Variants in USP15 observed in about 807,000 individuals in gnomAD.
USP15 encodes the protein ubiquitin specific peptidase 15, also known as ubiquitin carboxyl-terminal hydrolase 15.
USP15 carries 18 observed loss-of-function variants against 127.1 expected under a neutral mutation model. That is an observed-to-expected ratio of 0.14 (90% confidence interval 0.10 to 0.21). USP15 has a LOEUF of 0.21. Among genes scored for constraint, USP15 ranks in the 10% least tolerant of loss-of-function variants. The probability of loss-of-function intolerance (pLI) is 1.00; values close to 1 mark genes in which losing one functional copy is unlikely to be tolerated. For synonymous variants in USP15, 364 were observed against 393.7 expected (o/e 0.92, Z 0.89); for missense variants, 805 against 1,159.9 (o/e 0.69, Z 4.44).
intron 8 of USP15, among the ~76,000 whole-genome samples, chr12:62,366,956 A>G (rs549080336): frequency 2.6e-5 from 4 of 151,900 alleles, no homozygotes; most frequent in Non-Finnish European, 5.9e-5. Context: ...GTTTGCCAGT[A>G]TTTTCTTGAG....
At chr12:62,287,351 A>G (rs532317668) in intron 1 of USP15, among the ~76,000 whole-genome samples, 1 of 152,326 alleles carries the variant, frequency 6.6e-6, no homozygotes, top group African/African-American at 2.4e-5. Context: ...TTTTAAAACG[A>G]ATTTATGATA....
At position 62,410,297 on chromosome 12, in the gene USP15, A is replaced by G. The variant is rs898751764; in HGVS notation, c.*5922A>G. 12 of 152,280 alleles carry G rather than the reference A, an allele frequency of 7.9e-5. No homozygotes were observed. Among genetic ancestry groups the G allele is most frequent in the Middle Eastern group, 3.4e-3 (1 of 294 alleles). 9.4% of individuals were successfully genotyped at this position (152,280 alleles called of 1,614,324 possible). ...CCAAGGATTATCTATTTGTAATCAC[A>G]TTGTGGTGAATTATCAGTCTCCCAA... On this transcript the variant is annotated 3_prime_UTR_variant, in exon 22 of 22. Coordinates refer to ENST00000280377, the MANE Select transcript of USP15 (RefSeq NM_001252078.2).
At chr12:62,355,251 A>AT in intron 7 of USP15, 80 bp from the exon 8 acceptor site, 1 of 1,247,848 alleles carries the variant, frequency 8.0e-7, no homozygotes, top group Non-Finnish European at 1.1e-6. Context: ...CACATATCTC[A>AT]TAAATAGGCC....
At position 62,349,286 on chromosome 12, in the gene USP15, A is replaced by T. The variant is rs1178768243; in HGVS notation, c.749A>T (p.Tyr250Phe). 1 of 1,499,302 alleles carries T rather than the reference A, an allele frequency of 6.7e-7. No individual in the cohort carries two copies. The highest frequency in any genetic ancestry group is 2.6e-5 in the East Asian group (1 of 39,108). 92.9% of individuals were successfully genotyped at this position (1,499,302 alleles called of 1,614,324 possible). The change falls in exon 7 of 22, where the codon TAT (tyrosine) becomes TTT (phenylalanine). Residue 250 changes from tyrosine to phenylalanine, a missense_variant. Physicochemically the swap from Tyr to Phe is conservative, Grantham distance 22 (BLOSUM62 3). Around this residue, in one of 11 missense-constraint regions of USP15, gnomAD observed 84 missense variants for 107.7 expected, o/e 0.78. Coordinates refer to ENST00000280377, the MANE Select transcript of USP15 (RefSeq NM_001252078.2). The stretch of plus-strand genomic sequence containing the variant: ...TCTCCTTCATCTCTATCAAATAATT[A>T]TAACAACATGAACAACAGAAAGTAA... ...KISPSSLSNN[Y>F]NNMNNRNVKN...
intron 8 of USP15, among the ~76,000 whole-genome samples, chr12:62,368,772 G>A (rs1489065095): frequency 6.6e-6 from 1 of 152,022 alleles, no homozygotes; most frequent in African/African-American, 2.4e-5. Context: ...GTTTGCCTGT[G>A]TCTTTTAATT....
intron 1 of USP15, among the ~76,000 whole-genome samples, chr12:62,292,727 A>G (rs1360748877): frequency 6.6e-6 from 1 of 152,146 alleles, no homozygotes; most frequent in Non-Finnish European, 1.5e-5. Context: ...CCCCAAGCAG[A>G]GAGCTCTTGG....
chr12:62,287,247 T>G (rs2063814619), intron 1 of USP15, among the ~76,000 whole-genome samples: 3 of 152,102 alleles, frequency 2.0e-5, no homozygotes, highest in South Asian at 2.1e-4. Flanking sequence ...ACAGGATCAT[T>G]AGAAGCCGAA....
intron 1 of USP15, among the ~76,000 whole-genome samples, chr12:62,261,788 C>A (rs1176321297): frequency 1.3e-5 from 2 of 152,162 alleles, no homozygotes; most frequent in African/African-American, 2.4e-5. Context: ...TAATAGGTGG[C>A]AGACTTAGGA....
At position 62,308,769 on chromosome 12, in the gene USP15, A is replaced by C. The variant is rs1308367052; in HGVS notation, c.348+5849A>C. Among the ~76,000 whole-genome samples, 10 of 152,280 alleles carry C rather than the reference A, an allele frequency of 6.6e-5. No homozygotes were observed. The East Asian group carries it at 1.9e-3, about 29-fold the overall frequency. ...GTTATCAAAATTCCAGTAAACTTCAAATGATAGAAATTGTTCACTGTATTT... is the reference window on the plus strand; with the variant it reads ...GTTATCAAAATTCCAGTAAACTTCACATGATAGAAATTGTTCACTGTATTT... On this transcript the variant is annotated intron_variant, in intron 3 of 21. Transcript: ENST00000280377.
Position 62,416,331 on chromosome 12 carries a change from G to A in USP15, c.*11956G>A, listed in dbSNP as rs1270153580. ...ATTGTTCTTAAGATGTTAAGATGGT[G>A]TATGTGTGGCATAGTATTTGTTCCT... On this transcript the variant is annotated 3_prime_UTR_variant, in exon 22 of 22. Transcript: ENST00000280377. 6.6e-6 allele frequency: 1 copy of A among 152,206 alleles called. No homozygotes were observed. The highest frequency in any genetic ancestry group is 2.4e-5 in the African/African-American group (1 of 41,458). The allele number at this position is 152,206 out of a possible 1,614,324, so 9.4% of individuals were successfully genotyped here.
intron 9 of USP15, 111 bp from the exon 10 acceptor site, chr12:62,383,729 G>T: frequency 8.0e-7 from 1 of 1,250,794 alleles, no homozygotes; most frequent in Non-Finnish European, 1.1e-6. Flanking sequence ...ATTTTAGAAA[G>T]CAGGCAAATT....
intron 1 of USP15, among the ~76,000 whole-genome samples, chr12:62,271,127 A>G (rs993140789): frequency 6.6e-6 from 1 of 152,070 alleles, no homozygotes; most frequent in Non-Finnish European, 1.5e-5. Flanking sequence ...TGGAAAATGT[A>G]AGACAACACC....
Position 62,393,107 on chromosome 12 carries a change from G to A in USP15, c.2475G>A (p.Trp825Ter). Residue 825 changes from tryptophan (W) to a stop codon, truncating the protein, a stop_gained, in exon 19 of 22, where the codon TGG (tryptophan) becomes TGA (stop). Coordinates refer to ENST00000280377, the MANE Select transcript of USP15 (RefSeq NM_001252078.2). LOFTEE classifies it high-confidence loss of function. ...AAGCCACAAAGAAATTGGATTTATGGTCCCTGCCTCCAGTACTTGTAGTAC... is the reference window on the plus strand; with the variant it reads ...AAGCCACAAAGAAATTGGATTTATGATCCCTGCCTCCAGTACTTGTAGTAC... ...HQQATKKLDL[W>*]SLPPVLVVHL... The A allele has an allele frequency of 6.2e-7, 1 of 1,613,738 alleles. No homozygotes were observed.
intron 3 of USP15, among the ~76,000 whole-genome samples, chr12:62,311,228 A>T (rs747707858): frequency 3.3e-5 from 5 of 151,918 alleles, no homozygotes; most frequent in Admixed American, 6.6e-5. Context: ...TTAGGAATAA[A>T]CCTAGTAAGA....
intron 5 of USP15, among the ~76,000 whole-genome samples, chr12:62,322,234 T>G (rs1159321382): frequency 6.6e-6 from 1 of 152,098 alleles, no homozygotes; most frequent in East Asian, 1.9e-4. Flanking sequence ...TTGAAGTGAT[T>G]CTCCTGCCTC....
rs962804986 is a variant in USP15 at position 62,364,751 on chromosome 12, C to G, written c.915+9276C>G. Among the ~76,000 whole-genome samples, 3 of 151,974 alleles carry G rather than the reference C, an allele frequency of 2.0e-5. No homozygotes were observed. In the East Asian group the frequency reaches 5.8e-4, roughly 29 times the overall value. On this transcript the variant is annotated intron_variant, in intron 8 of 21. Coordinates refer to ENST00000280377, the MANE Select transcript of USP15 (RefSeq NM_001252078.2). ...AACAAGCCCTGGTGTGTGATGTCCC[C>G]CTCCCTGTGTCCATGTGTTCTCATT...
chr12:62,341,263 A>G (rs546199305), intron 6 of USP15, among the ~76,000 whole-genome samples: 20 of 150,030 alleles, frequency 1.3e-4, no homozygotes, highest in African/African-American at 3.7e-4. Context: ...TTTTGAGCCT[A>G]TGTATGTCTT....
At chr12:62,272,300 G>A (rs1413962885) in intron 1 of USP15, among the ~76,000 whole-genome samples, 3 of 151,802 alleles carry the variant, frequency 2.0e-5, no homozygotes, top group African/African-American at 7.3e-5. Flanking sequence ...TGAGATTTTT[G>A]TGTATTTTTT....
chr12:62,301,252 A>G (rs908520724), intron 2 of USP15, among the ~76,000 whole-genome samples: 3 of 152,174 alleles, frequency 2.0e-5, no homozygotes, highest in Non-Finnish European at 4.4e-5. Flanking sequence ...GTCATATCAT[A>G]AAAGCACTTC....
Sources: gnomAD v4.1 joint callset for allele counts (sites outside exome capture counted in the v4.1 genomes callset) on GRCh38, gnomAD v4.1.1 for gene constraint, gnomAD v4.1.1 regional missense constraint, MANE v1.5 for transcripts, NCBI Gene and HGNC (gene_info 2026-07-23, HGNC 2026-07-21) for gene names.